USP9X: variants seen among roughly 807,000 people sequenced by gnomAD.
USP9X encodes the protein ubiquitin carboxyl-terminal hydrolase 9X.
In USP9X, 7 loss-of-function variants were observed where a neutral mutation model predicts 190.3. That is an observed-to-expected ratio of 0.04 (90% CI 0.02 to 0.07). The LOEUF (loss-of-function observed/expected upper bound fraction) is 0.07. USP9X is among the 10% of genes least tolerant of loss of function. The pLI is 1.00. For synonymous variants in USP9X, 645 were observed against 659.5 expected (o/e 0.98, Z 0.34); for missense variants, 1,010 against 1,916.9 (o/e 0.53, Z 8.83).
At chrX:41,095,291 G>T (rs2061981423) in intron 1 of USP9X, among the ~76,000 whole-genome samples, 1 of 111,891 alleles carries the variant, frequency 8.9e-6, no homozygotes, top group Non-Finnish European at 1.9e-5. Flanking sequence ...GGTCTTCAAA[G>T]ATGTCCTATT....
chrX:41,226,402 T>C (rs1851428191), intron 41 of USP9X, among the ~76,000 whole-genome samples: 1 of 111,931 alleles, frequency 8.9e-6, no homozygotes, highest in Admixed American at 9.5e-5. Context: ...GTTTTAGAAC[T>C]TCCCTTCCCA....
chrX:41,132,295 A>AT (rs11356870), intron 4 of USP9X, among the ~76,000 whole-genome samples: 7,235 of 53,921 alleles, frequency 0.13, 538 homozygotes, highest in Non-Finnish European at 0.14. Context: ...ATGCCCACTA[A>AT]TTTTTTTTTT....
intron 21 of USP9X, among the ~76,000 whole-genome samples, chrX:41,178,567 A>C (rs1229282984): frequency 9.0e-6 from 1 of 111,725 alleles, no homozygotes; most frequent in Non-Finnish European, 1.9e-5. Flanking sequence ...CCCATTTTAA[A>C]AATCGGATTT....
At chrX:41,189,601 AT>A in intron 26 of USP9X, 126 bp downstream of exon 26, 1 of 599,065 alleles carries the variant, frequency 1.7e-6, no homozygotes, top group Non-Finnish European at 2.5e-6. Context: ...ATTGAGGAAA[AT>A]TTTATTATTT....
At chrX:41,156,586 C>G (rs2062580928) in intron 14 of USP9X, among the ~76,000 whole-genome samples, 1 of 111,718 alleles carries the variant, frequency 9.0e-6, no homozygotes, top group Non-Finnish European at 1.9e-5. Context: ...CATTATATGT[C>G]AGGGAGTGCA....
At chrX:41,123,366 C>A in intron 1 of USP9X, 105 bp from the exon 2 acceptor site, 1 of 314,807 alleles carries the variant, frequency 3.2e-6, no homozygotes, top group East Asian at 6.4e-5. Flanking sequence ...TTTGTATAGC[C>A]CCTTTTTCCT....
chrX:41,131,841 A>AT, intron 4 of USP9X, among the ~76,000 whole-genome samples: 1 of 112,003 alleles, frequency 8.9e-6, no homozygotes, highest in Middle Eastern at 4.6e-3. Flanking sequence ...AATACTATAC[A>AT]AAAGAACATT....
In USP9X at chrX:41,099,121, TTA is replaced by T. The variant is rs1491012048; in HGVS notation, c.-159+13013_-159+13014del. Among the ~76,000 whole-genome samples the T allele has an allele frequency of 2.7e-4, 20 of 74,794 alleles. 1 individual carries two copies. The highest frequency in any genetic ancestry group is 1.5e-3 in the East Asian group (4 of 2,652). The allele number at this position is 74,794 out of a possible 115,157, so 64.9% of individuals were successfully genotyped here. On this transcript the variant is annotated intron_variant, in intron 1 of 44. Coordinates refer to ENST00000378308, the MANE Select transcript of USP9X (RefSeq NM_001039591.3). ...GTTTTTTTTTTTTTTTTTTTTTTTT[TTA>T]AACAGAGATGGAGTCTCACTATGTT...
chrX:41,136,860 C>T lies in USP9X; in HGVS notation c.492C>T (p.Ser164=). The T allele has an allele frequency of 8.3e-7, 1 of 1,211,173 alleles. No individual in the cohort carries two copies. Among genetic ancestry groups the T allele is most frequent in the Non-Finnish European group, 1.1e-6 (1 of 895,232 alleles). ...TGGAGCTATGTGTGGCCAAGTTGTC[C>T]CAAGACTGGTTTCCACTTTTAGAAC... The part of the protein sequence containing the change: ...RLVELCVAKL[S]QDWFPLLELL... Residue 164 remains serine (S), a synonymous_variant, in exon 6 of 45, where the codon TCC becomes TCT. Coordinates refer to ENST00000378308, the MANE Select transcript of USP9X (RefSeq NM_001039591.3).
chrX:41,105,278 A>T (rs781606463), intron 1 of USP9X, among the ~76,000 whole-genome samples: 2 of 111,918 alleles, frequency 1.8e-5, no homozygotes, highest in African/African-American at 6.5e-5. Context: ...CCCCAACCCC[A>T]TGCTGCATTC....
intron 3 of USP9X, 92 bp from the exon 4 acceptor site, chrX:41,131,365 T>C: frequency 1.5e-6 from 1 of 654,165 alleles, no homozygotes; most frequent in Non-Finnish European, 2.2e-6. Context: ...TTAAATATTT[T>C]CATAGCAAGA....
rs1360280930 is a variant in USP9X at position 41,103,963 on chromosome X, A to G, written c.-159+17854A>G. The stretch of plus-strand genomic sequence containing the variant: ...GTGTAGCACCACATAATTTTATCTC[A>G]TTACTAGTTTAATTTTCCCTACTGT... On this transcript the variant is annotated intron_variant, in intron 1 of 44. Coordinates refer to ENST00000378308, the MANE Select transcript of USP9X (RefSeq NM_001039591.3). Among the ~76,000 whole-genome samples the G allele has an allele frequency of 2.7e-5, 3 of 111,890 alleles. No homozygotes were observed. The East Asian group carries it at 8.3e-4, about 31-fold the overall frequency.
chrX:41,127,895 G>C (rs185416754), intron 2 of USP9X, among the ~76,000 whole-genome samples: 1,354 of 112,277 alleles, frequency 0.012, 19 homozygotes, highest in East Asian at 0.094. Context: ...AAGAACACAT[G>C]AATAAAAATC....
intron 29 of USP9X, among the ~76,000 whole-genome samples, chrX:41,198,271 TAAA>T (rs2063006748): frequency 1.8e-5 from 2 of 112,301 alleles, no homozygotes; most frequent in South Asian, 3.6e-4. Context: ...ACATTTAAAA[TAAA>T]AATTTTGATA....
Position 41,232,664 on chromosome X carries a change from T to C in USP9X, c.*140T>C. 1.2e-6 allele frequency: 1 copy of C among 862,770 alleles called. No homozygotes were observed. The highest frequency in any genetic ancestry group is 1.6e-6 in the Non-Finnish European group (1 of 633,701). 71.1% of individuals were successfully genotyped at this position (862,770 alleles called of 1,213,427 possible). A position where few individuals can be genotyped will look rare whatever the true frequency, so the allele number is the denominator to read the frequency against. On this transcript the variant is annotated 3_prime_UTR_variant, in exon 45 of 45. Transcript: ENST00000378308. ...AGTGGAGAGTTTATTCACTGTCTTA[T>C]CTGCAGAAATTTGCTGTCAATATAT...
At position 41,136,899 on chromosome X, in the gene USP9X, C is replaced by T; in HGVS notation, c.531C>T (p.Ala177=). The part of the protein sequence containing the change: ...WFPLLELLAM[A]LNPHCKFHIY... The stretch of plus-strand genomic sequence containing the variant: ...CACTTTTAGAACTTCTTGCCATGGC[C>T]TTAAATCCTCATTGCAAATTCCATA... Residue 177 remains alanine, a synonymous_variant, in exon 6 of 45, where the codon GCC becomes GCT. Transcript: ENST00000378308. 8.3e-7 allele frequency: 1 copy of T among 1,211,097 alleles called. No homozygotes were observed. The highest frequency in any genetic ancestry group is 1.1e-6 in the Non-Finnish European group (1 of 895,052).
At chrX:41,184,919 C>T (rs768758770) in intron 23 of USP9X, among the ~76,000 whole-genome samples, 6 of 112,016 alleles carry the variant, frequency 5.4e-5, no homozygotes, top group Non-Finnish European at 1.1e-4. Context: ...TTAAACCTAA[C>T]AAAAACTCCA....
At position 41,189,315 on chromosome X, in the gene USP9X, G is replaced by T; in HGVS notation, c.3817G>T (p.Ala1273Ser). The T allele has an allele frequency of 8.3e-7, 1 of 1,207,739 alleles. No individual in the cohort carries two copies. The highest frequency in any genetic ancestry group is 1.1e-6 in the Non-Finnish European group (1 of 893,558). Reference protein sequence around the residue: ...EITKIYEKTNAGNEPDLEDEQ... With the variant: ...EITKIYEKTNSGNEPDLEDEQ... ...CTTGATTGTAATTTTACAGACCAATGCAGGCAATGAGCCAGACTTGGAAGA... is the reference window on the plus strand; with the variant it reads ...CTTGATTGTAATTTTACAGACCAATTCAGGCAATGAGCCAGACTTGGAAGA... The change falls in exon 26 of 45, where the codon GCA (alanine) becomes TCA (serine). Residue 1273 changes from alanine to serine, a missense_variant. Physicochemically the swap from Ala to Ser is moderately conservative, Grantham distance 99 (BLOSUM62 1). This residue lies in a region of USP9X where 351 missense variants were observed against 480.8 expected (regional missense o/e 0.73). Transcript: ENST00000378308.
rs2062646031 is a variant in USP9X, at chrX:41,162,949, G to A, written c.1985+72G>A. Reference sequence around the variant, plus strand: ...GAATACAGAATGAATAGACTGTATAGCTTGGTCTTTGTTGGGTGGCCTTTT... The same window carrying A: ...GAATACAGAATGAATAGACTGTATAACTTGGTCTTTGTTGGGTGGCCTTTT... On this transcript the variant is annotated intron_variant, in intron 15 of 44. Transcript: ENST00000378308. 3.6e-6 allele frequency: 3 copies of A among 843,924 alleles called. No homozygotes were observed. In the East Asian group the frequency reaches 1.1e-4, roughly 30 times the overall value. 69.5% of individuals were successfully genotyped at this position (843,924 alleles called of 1,213,427 possible). A position where few individuals can be genotyped will look rare whatever the true frequency, so the allele number is the denominator to read the frequency against.
Sources: allele counts gnomAD v4.1 joint callset (sites outside exome capture counted in the v4.1 genomes callset), GRCh38; gene constraint gnomAD v4.1.1; regional missense constraint gnomAD v4.1.1; transcripts MANE v1.5; gene names NCBI Gene and HGNC (gene_info 2026-07-23, HGNC 2026-07-21).